EML4: variants seen among roughly 807,000 people sequenced by gnomAD.
EML4 encodes echinoderm microtubule-associated protein-like 4.
In EML4, 72 loss-of-function variants were observed where a neutral mutation model predicts 129.0. The ratio of observed to expected loss-of-function variants is 0.56; its 90% CI spans 0.46 to 0.68. The LOEUF (loss-of-function observed/expected upper bound fraction) is 0.68, where lower values mean the gene tolerates loss of function less well. Among genes scored for constraint, EML4 ranks in the 30% least tolerant of loss-of-function variants. The pLI is 0.00. For synonymous variants in EML4, 532 were observed against 405.0 expected, an observed-to-expected ratio of 1.31 and a Z score of -3.77; for missense variants, 1,363 against 1,190.6, an observed-to-expected ratio of 1.14 and a Z score of -2.13.
intron 2 of EML4, among the ~76,000 whole-genome samples, chr2:42,249,068 A>G (rs563290786): frequency 2.6e-5 from 4 of 152,192 alleles, no homozygotes; most frequent in Admixed American, 6.5e-5. Flanking sequence ...ACTCTTCACT[A>G]TTGACATTTG....
intron 14 of EML4, 144 bp from the exon 15 acceptor site, chr2:42,302,955 ATAAAT>A: frequency 1.6e-6 from 1 of 641,338 alleles, no homozygotes; most frequent in East Asian, 2.7e-5. Flanking sequence ...CATTGGACAA[ATAAAT>A]TAGTAGTAGT....
chr2:42,312,786 C>G (rs761245089), intron 17 of EML4, among the ~76,000 whole-genome samples: 1 of 151,330 alleles, frequency 6.6e-6, no homozygotes, highest in Non-Finnish European at 1.5e-5. Flanking sequence ...ATCTCCTGAC[C>G]TCGTGATCCA....
At chr2:42,179,555 G>A (rs1407680612) in intron 1 of EML4, among the ~76,000 whole-genome samples, 1 of 152,130 alleles carries the variant, frequency 6.6e-6, no homozygotes, top group East Asian at 1.9e-4. Flanking sequence ...AATGGTCCAT[G>A]ATGTTTATAG....
At chr2:42,228,272 G>T (rs1023596684) in intron 1 of EML4, among the ~76,000 whole-genome samples, 1 of 151,860 alleles carries the variant, frequency 6.6e-6, no homozygotes, top group Non-Finnish European at 1.5e-5. Context: ...TGCTAAGAGA[G>T]TAGAAAGAAT....
At chr2:42,280,689 G>A (rs927255257) in intron 6 of EML4, among the ~76,000 whole-genome samples, 161 bp from the exon 7 acceptor site, 30 of 152,232 alleles carry the variant, frequency 2.0e-4, no homozygotes, top group African/African-American at 6.7e-4. Context: ...GTCCCCCGTG[G>A]ATACAGGACA....
chr2:42,293,309 C>A (rs569581396), intron 11 of EML4, among the ~76,000 whole-genome samples: 1 of 152,062 alleles, frequency 6.6e-6, no homozygotes, highest in Admixed American at 6.6e-5. Flanking sequence ...CACTATGTTG[C>A]ACAGTTGATC....
In EML4 at chr2:42,332,099, CT is replaced by C. The variant is rs1428720736; in HGVS notation, c.*1893del. On this transcript the variant is annotated 3_prime_UTR_variant, in exon 23 of 23. Transcript: ENST00000318522. ...TATTACATCATCAGATCAGCATGTGCTATACTCCCTGCAAGAAATATACTGA... is the reference window on the plus strand; with the variant it reads ...TATTACATCATCAGATCAGCATGTGCATACTCCCTGCAAGAAATATACTGA... The C allele has an allele frequency of 9.0e-6, 2 of 221,238 alleles. No individual in the cohort carries two copies. The highest frequency in any genetic ancestry group is 4.5e-5 in the African/African-American group (2 of 44,588). The allele number at this position is 221,238 out of a possible 1,614,324, so 13.7% of individuals were successfully genotyped here.
chr2:42,304,425 C>G (rs1668475802), intron 16 of EML4, 59 bp from the exon 17 acceptor site: 1 of 1,315,258 alleles, frequency 7.6e-7, no homozygotes, highest in Non-Finnish European at 1.1e-6. Flanking sequence ...GTTTTTGCTA[C>G]TGTCCCCATA....
intron 6 of EML4, among the ~76,000 whole-genome samples, chr2:42,269,949 C>T (rs752512912): frequency 6.6e-6 from 1 of 152,010 alleles, no homozygotes; most frequent in Non-Finnish European, 1.5e-5. Context: ...GTAAAATGAC[C>T]TGTATCACAG....
intron 3 of EML4, among the ~76,000 whole-genome samples, chr2:42,257,645 C>G (rs1414482919): frequency 6.6e-6 from 1 of 152,090 alleles, no homozygotes; most frequent in Non-Finnish European, 1.5e-5. Flanking sequence ...ACCATCCTGG[C>G]TAACACGGTG....
intron 1 of EML4, among the ~76,000 whole-genome samples, chr2:42,220,580 A>G (rs1572568737): frequency 6.6e-6 from 1 of 152,106 alleles, no homozygotes; most frequent in Non-Finnish European, 1.5e-5. Flanking sequence ...TGAGATAACA[A>G]TATTGAAATG....
intron 1 of EML4, among the ~76,000 whole-genome samples, chr2:42,242,765 T>A (rs979903497): frequency 6.6e-6 from 1 of 151,916 alleles, no homozygotes; most frequent in African/African-American, 2.4e-5. Flanking sequence ...TTTTTCTCTT[T>A]TCTTTTTTCT....
chr2:42,286,054 C>T (rs556391128), intron 9 of EML4: 1 of 608,544 alleles, frequency 1.6e-6, no homozygotes, highest in Non-Finnish European at 3.0e-6. Context: ...GTATGTGTAA[C>T]ATAGTAAATA....
At chr2:42,282,312 G>C (rs1233611546) in intron 7 of EML4, among the ~76,000 whole-genome samples, 2 of 144,602 alleles carry the variant, frequency 1.4e-5, no homozygotes, top group Non-Finnish European at 3.0e-5. Flanking sequence ...GGTAAATGAG[G>C]AAACTAAGAT....
chr2:42,178,485 A>C (rs1670744666), intron 1 of EML4, among the ~76,000 whole-genome samples: 1 of 152,080 alleles, frequency 6.6e-6, no homozygotes, highest in Non-Finnish European at 1.5e-5. Flanking sequence ...TGGAGGCTGC[A>C]GTGAGCTATG....
Position 42,280,917 on chromosome 2 carries a change from C to A in EML4, c.735C>A (p.Asp245Glu). Residue 245 changes from aspartate (D) to glutamate (E), a missense_variant, in exon 7 of 23, where the codon GAC (aspartate) becomes GAA (glutamate). By Grantham distance (45) the Asp-to-Glu change is conservative. Coordinates refer to ENST00000318522, the MANE Select transcript of EML4 (RefSeq NM_019063.5). ...PITMFIPSDV[D>E]NYDDIRTELP... ...CCATGTTCATTCCTTCCGATGTTGA[C>A]AACTATGATGACATCAGAACGGAAC... The A allele has an allele frequency of 6.2e-7, 1 of 1,612,486 alleles. No homozygotes were observed. The highest frequency in any genetic ancestry group is 8.5e-7 in the Non-Finnish European group (1 of 1,178,782).
chr2:42,325,318 G>A, intron 19 of EML4, 149 bp from the exon 20 acceptor site: 1 of 629,912 alleles, frequency 1.6e-6, no homozygotes, highest in Admixed American at 1.9e-5. Flanking sequence ...TTTGCTGTGA[G>A]CCTGCTCAGT....
At chr2:42,199,780 G>A (rs1294617167) in intron 1 of EML4, among the ~76,000 whole-genome samples, 2 of 152,184 alleles carry the variant, frequency 1.3e-5, no homozygotes, top group East Asian at 3.8e-4. Context: ...GTAAGCAAGA[G>A]AAGGAACCGA....
intron 6 of EML4, among the ~76,000 whole-genome samples, chr2:42,265,275 T>C (rs1665993123): frequency 6.6e-6 from 1 of 152,150 alleles, no homozygotes; most frequent in African/African-American, 2.4e-5. Flanking sequence ...TTTGTTTGTT[T>C]TGTATTTTTA....
Sources: gnomAD v4.1 joint callset for allele counts (sites outside exome capture counted in the v4.1 genomes callset) on GRCh38, gnomAD v4.1.1 for gene constraint, MANE v1.5 for transcripts, NCBI Gene and HGNC (gene_info 2026-07-23, HGNC 2026-07-21) for gene names.